Variants in NDUFAF6 observed in about 807,000 individuals in gnomAD.
The protein encoded by NDUFAF6 is NADH:ubiquinone oxidoreductase complex assembly factor 6, also known as NADH dehydrogenase (ubiquinone) complex I, assembly factor 6.
In NDUFAF6, 45 loss-of-function variants were observed where a neutral mutation model predicts 40.8. The observed-to-expected ratio is 1.10, with a 90% CI of 0.87 to 1.42. NDUFAF6 has a LOEUF of 1.42. Among genes scored for constraint, NDUFAF6 ranks in the 40% most tolerant of loss-of-function variants. The pLI, the probability that NDUFAF6 is intolerant of heterozygous loss-of-function variation, is 0.00. For missense variants in NDUFAF6, 435 were observed against 418.5 expected (o/e 1.04, Z -0.34); for synonymous variants, 185 against 155.9 (o/e 1.19, Z -1.39).
intron 1 of NDUFAF6, among the ~76,000 whole-genome samples, chr8:94,924,254 G>A (rs1484510327): frequency 2.0e-5 from 3 of 151,930 alleles, no homozygotes. Context: ...TAGAGACGGG[G>A]TTTCACTGTG....
At chr8:94,904,318 TGC>T (rs1491043134) in intron 1 of NDUFAF6, among the ~76,000 whole-genome samples, 155 of 114,154 alleles carry the variant, frequency 1.4e-3, no homozygotes, top group Non-Finnish European at 2.0e-3. Flanking sequence ...TAATTTTTTT[TGC>T]TTTTTTTTTT....
At chr8:94,933,392 GGAA>G (rs1383384780) in intron 1 of NDUFAF6, among the ~76,000 whole-genome samples, 14 of 150,060 alleles carry the variant, frequency 9.3e-5, no homozygotes, top group Middle Eastern at 3.4e-3. Flanking sequence ...AAAGAAGGAA[GGAA>G]GAAGAAGGAA....
chr8:94,977,567 G>A (rs1277826578), intron 1 of NDUFAF6, among the ~76,000 whole-genome samples: 1 of 147,130 alleles, frequency 6.8e-6, no homozygotes, highest in African/African-American at 2.5e-5. Flanking sequence ...AACGAAGCAG[G>A]CATAAGAAGG....
intron 4 of NDUFAF6, 109 bp from the exon 5 acceptor site, chr8:95,045,436 T>C (rs1047107394): frequency 6.7e-6 from 5 of 743,934 alleles, no homozygotes; most frequent in Admixed American, 2.0e-5. Flanking sequence ...AAATAACATA[T>C]ACTGAATATT....
At chr8:94,992,713 C>G (rs1042130705) in intron 2 of NDUFAF6, among the ~76,000 whole-genome samples, 2 of 152,098 alleles carry the variant, frequency 1.3e-5, no homozygotes, top group African/African-American at 4.8e-5. Context: ...AGATCTATTC[C>G]CAAGATCCTC....
At chr8:95,046,885 A>G in intron 5 of NDUFAF6, 109 bp from the exon 6 acceptor site, 1 of 1,473,030 alleles carries the variant, frequency 6.8e-7, no homozygotes. Context: ...CAGATGTAAA[A>G]CAGGATAAAT....
chr8:94,909,813 T>TACAC (rs113853762), intron 1 of NDUFAF6, among the ~76,000 whole-genome samples: 2 of 146,884 alleles, frequency 1.4e-5, no homozygotes, highest in East Asian at 2.0e-4. Context: ...TATATATATA[T>TACAC]ACACACACAC....
intron 3 of NDUFAF6, chr8:95,036,536 C>G: frequency 7.9e-7 from 1 of 1,270,544 alleles, no homozygotes; most frequent in Non-Finnish European, 1.0e-6. Context: ...CATCCCACTT[C>G]AAGAAGCTCA....
Position 95,057,852 on chromosome 8 carries a change from T to C in NDUFAF6, c.917T>C (p.Phe306Ser). The change falls in exon 9 of 9, where the codon TTT (phenylalanine) becomes TCT (serine). Residue 306 changes from phenylalanine (F) to serine (S), a missense_variant. Transcript: ENST00000396124. ...CTAAAGAAAATTCAGCGAGTGGATT[T>C]TGATATATTCCACCCATCTTTACAG... ...DFLKKIQRVD[F>S]DIFHPSLQQK... The C allele has an allele frequency of 6.2e-7, 1 of 1,611,866 alleles. No individual in the cohort carries two copies. The highest frequency in any genetic ancestry group is 1.1e-5 in the South Asian group (1 of 90,998).
In NDUFAF6 at chr8:95,025,152, G is replaced by A. The variant is rs754150220; in HGVS notation, c.144G>A (p.Ala48=). 4.0e-6 allele frequency: 6 copies of A among 1,483,868 alleles called. No individual in the cohort carries two copies. The African/African-American group carries it at 8.8e-5, about 22-fold the overall frequency. 91.9% of individuals were successfully genotyped at this position (1,483,868 alleles called of 1,614,324 possible). A position where few individuals can be genotyped will look rare whatever the true frequency, so the allele number is the denominator to read the frequency against. Residue 48 remains alanine, a synonymous_variant, in exon 1 of 9, where the codon GCG becomes GCA. Coordinates refer to ENST00000396124, the MANE Select transcript of NDUFAF6 (RefSeq NM_152416.4). ...AGGTGTCTGGGCGGAGCGTGGCTGCGGCCAGCGGACCGGGCGCCTGGGGCA... is the reference window on the plus strand; with the variant it reads ...AGGTGTCTGGGCGGAGCGTGGCTGCAGCCAGCGGACCGGGCGCCTGGGGCA... The part of the protein sequence containing the change: ...GPEVSGRSVA[A]ASGPGAWGTD...
chr8:94,932,243 A>C, intron 1 of NDUFAF6: 1 of 863,752 alleles, frequency 1.2e-6, no homozygotes, highest in Non-Finnish European at 1.8e-6. Context: ...CATGTGCTTA[A>C]GATAACATGT....
chr8:94,905,185 G>A (rs1484359056), intron 1 of NDUFAF6, among the ~76,000 whole-genome samples: 2 of 152,006 alleles, frequency 1.3e-5, no homozygotes, highest in Non-Finnish European at 2.9e-5. Context: ...AACTAGGGGA[G>A]ACTATGTCTC....
upstream of NDUFAF6, among the ~76,000 whole-genome samples, chr8:94,956,293 T>TG (rs1287673003): frequency 2.0e-5 from 3 of 152,198 alleles, no homozygotes; most frequent in Admixed American, 6.5e-5. Flanking sequence ...CTATATAAGC[T>TG]GGGGGGTCAA....
rs200205743 is a variant in NDUFAF6, at chr8:95,092,064, G to T, written n.214-9068G>T. Among the ~76,000 whole-genome samples the T allele has an allele frequency of 2.3e-4, 17 of 73,232 alleles. No homozygotes were observed. In the East Asian group the frequency reaches 0.014, roughly 62 times the overall value. 48.0% of individuals were successfully genotyped at this position (73,232 alleles called of 152,430 possible). A position where few individuals can be genotyped will look rare whatever the true frequency, so the allele number is the denominator to read the frequency against. ...CTCCTTTCTCATTTATTTATATCAGGACTTAGTGTTCCCAACTTCACACTG... is the reference window on the plus strand; with the variant it reads ...CTCCTTTCTCATTTATTTATATCAGTACTTAGTGTTCCCAACTTCACACTG... On this transcript the variant is annotated intron_variant and non_coding_transcript_variant, in intron 2 of 5. Coordinates refer to the NDUFAF6 transcript ENST00000523184.
At chr8:94,943,434 C>T (rs1821728907) in intron 1 of NDUFAF6, among the ~76,000 whole-genome samples, 1 of 152,160 alleles carries the variant, frequency 6.6e-6, no homozygotes, top group African/African-American at 2.4e-5. Context: ...ATGCAGTAAG[C>T]TATGATTGTG....
chr8:95,110,261 C>A (rs1470358480), intron 4 of NDUFAF6, among the ~76,000 whole-genome samples: 4 of 152,182 alleles, frequency 2.6e-5, no homozygotes, highest in Non-Finnish European at 4.4e-5. Context: ...CAAACTGCAC[C>A]AGGCAGAACA....
intron 1 of NDUFAF6, among the ~76,000 whole-genome samples, chr8:94,911,938 TG>T (rs1818811205): frequency 6.6e-6 from 1 of 152,022 alleles, no homozygotes; most frequent in Non-Finnish European, 1.5e-5. Flanking sequence ...GGCCCACACT[TG>T]GTTTTCACAG....
At chr8:95,064,235 A>G (rs992298634) in intron 9 of NDUFAF6, among the ~76,000 whole-genome samples, 5 of 151,984 alleles carry the variant, frequency 3.3e-5, no homozygotes, top group African/African-American at 1.2e-4. Context: ...ATTGATTAAG[A>G]AATTTCTCAA....
At chr8:95,074,727 T>G (rs956644843) in intron 9 of NDUFAF6, among the ~76,000 whole-genome samples, 3 of 152,164 alleles carry the variant, frequency 2.0e-5, no homozygotes, top group Non-Finnish European at 2.9e-5. Flanking sequence ...CAGACTCATC[T>G]CTTCCTCTCC....
Sources: allele counts gnomAD v4.1 joint callset (sites outside exome capture counted in the v4.1 genomes callset), GRCh38; gene constraint gnomAD v4.1.1; transcripts MANE v1.5; gene names NCBI Gene and HGNC (gene_info 2026-07-23, HGNC 2026-07-21).